The following TOP6BL variants were observed in gnomAD, a reference collection of about 807,000 sequenced individuals.
TOP6BL encodes type 2 DNA topoisomerase 6 subunit B-like.
chr11:66,769,433 A>G, the TOP6BL span, among the ~76,000 whole-genome samples: 1 of 151,876 alleles, frequency 6.6e-6, no homozygotes, highest in African/African-American at 2.4e-5. Flanking sequence ...AGAAAGTGAA[A>G]AGATCAATTA....
the TOP6BL span, among the ~76,000 whole-genome samples, chr11:66,765,736 G>A: frequency 6.6e-6 from 1 of 152,042 alleles, no homozygotes; most frequent in Non-Finnish European, 1.5e-5. Flanking sequence ...GGCCTGTCTC[G>A]AACTCCTAAC....
the TOP6BL span, chr11:66,828,323 C>A: frequency 6.2e-7 from 1 of 1,613,756 alleles, no homozygotes; most frequent in South Asian, 1.1e-5. Context: ...TGAGATCACC[C>A]AACACCAATT....
chr11:66,842,192 G>T, the TOP6BL span, among the ~76,000 whole-genome samples: 1 of 152,200 alleles, frequency 6.6e-6, no homozygotes, highest in African/African-American at 2.4e-5. Flanking sequence ...AACAGAGCAA[G>T]ACCTTGTCTC....
the TOP6BL span, among the ~76,000 whole-genome samples, chr11:66,784,017 TTTTTG>T: frequency 0.011 from 1,654 of 151,662 alleles, 34 homozygotes; most frequent in African/African-American, 0.037. Flanking sequence ...TTTTTTTTGG[TTTTTG>T]TTTTGTTTTG....
At chr11:66,755,873 T>A in the TOP6BL span, among the ~76,000 whole-genome samples, 3 of 152,178 alleles carry the variant, frequency 2.0e-5, no homozygotes, top group African/African-American at 7.2e-5. Context: ...CTCTCTTTCT[T>A]CACATGGCCT....
the TOP6BL span, among the ~76,000 whole-genome samples, chr11:66,775,365 A>T: frequency 6.6e-6 from 1 of 152,194 alleles, no homozygotes; most frequent in African/African-American, 2.4e-5. Context: ...TATAAGCCAA[A>T]GTCTGCCTGA....
At chr11:66,837,120 AATTTT>A in the TOP6BL span, among the ~76,000 whole-genome samples, 7 of 151,730 alleles carry the variant, frequency 4.6e-5, no homozygotes, top group East Asian at 1.4e-3. Flanking sequence ...AGGAAGCACA[AATTTT>A]ATTTTATTTT....
At chr11:66,765,024 A>G in the TOP6BL span, among the ~76,000 whole-genome samples, 1 of 152,114 alleles carries the variant, frequency 6.6e-6, no homozygotes, top group East Asian at 1.9e-4. Flanking sequence ...AGGAGATAGG[A>G]GCATTCCTTG....
chr11:66,754,630 A>G, the TOP6BL span, among the ~76,000 whole-genome samples: 21 of 152,288 alleles, frequency 1.4e-4, no homozygotes, highest in South Asian at 3.3e-3. Context: ...TTCAATATCA[A>G]TATCTTTAGG....
chr11:66,813,594 A>G, the TOP6BL span, among the ~76,000 whole-genome samples: 2 of 152,150 alleles, frequency 1.3e-5, no homozygotes, highest in African/African-American at 2.4e-5. Flanking sequence ...TTAGTCAGGC[A>G]TAGTGGCATG....
the TOP6BL span, among the ~76,000 whole-genome samples, chr11:66,781,430 T>C: frequency 1.3e-5 from 2 of 152,224 alleles, no homozygotes; most frequent in African/African-American, 4.8e-5. Context: ...CTGCTGACAT[T>C]TCCTATCAGT....
the TOP6BL span, among the ~76,000 whole-genome samples, chr11:66,812,860 G>A: frequency 6.6e-6 from 1 of 152,168 alleles, no homozygotes; most frequent in African/African-American, 2.4e-5. Context: ...GGTGGCTAGA[G>A]GCCAGGGATT....
the TOP6BL span, chr11:66,758,982 A>AT: frequency 6.3e-6 from 8 of 1,275,456 alleles, no homozygotes; most frequent in Non-Finnish European, 7.6e-6. Flanking sequence ...CTCTCATTTG[A>AT]TTCTTTCAAT....
At chr11:66,762,484 C>A in the TOP6BL span, 1 of 263,384 alleles carries the variant, frequency 3.8e-6, no homozygotes, top group South Asian at 3.7e-5. Flanking sequence ...TTGTTTGTTT[C>A]TTTGAGACGG....
the TOP6BL span, among the ~76,000 whole-genome samples, chr11:66,836,099 C>T: frequency 9.9e-5 from 15 of 152,140 alleles, no homozygotes; most frequent in Admixed American, 9.8e-4. Flanking sequence ...GAAGTAATTT[C>T]GTGGTTTTGA....
chr11:66,760,094 T>C, the TOP6BL span, among the ~76,000 whole-genome samples: 2 of 152,220 alleles, frequency 1.3e-5, no homozygotes, highest in Non-Finnish European at 2.9e-5. Context: ...AAATAAACTT[T>C]CCCAGACTAA....
At chr11:66,797,150 C>T in the TOP6BL span, among the ~76,000 whole-genome samples, 1 of 151,874 alleles carries the variant, frequency 6.6e-6, no homozygotes, top group South Asian at 2.1e-4. Flanking sequence ...CAGGTGTGCA[C>T]CACCATGCCC....
the TOP6BL span, among the ~76,000 whole-genome samples, chr11:66,787,623 G>A: frequency 6.6e-6 from 1 of 151,150 alleles, no homozygotes; most frequent in Admixed American, 6.6e-5. Context: ...GGGTGGCTGA[G>A]GCATAAGCAT....
At chr11:66,762,235 G>A in the TOP6BL span, 2 of 580,170 alleles carry the variant, frequency 3.4e-6, no homozygotes, top group Non-Finnish European at 6.2e-6. Flanking sequence ...GGCCGCAGGG[G>A]GCCCGGCCGC....
Sources: allele counts gnomAD v4.1 joint callset (sites outside exome capture counted in the v4.1 genomes callset), GRCh38; gene constraint gnomAD v4.1.1; transcripts MANE v1.5; gene names NCBI Gene and HGNC (gene_info 2026-07-23, HGNC 2026-07-21).